The following JPT1 variants were observed in gnomAD, a reference collection of about 807,000 sequenced individuals.
JPT1 encodes the protein Jupiter microtubule associated homolog 1.
JPT1 carries 5 observed loss-of-function variants against 17.0 expected under a neutral mutation model. That is an observed-to-expected ratio of 0.29 (90% CI 0.15 to 0.62). The LOEUF (loss-of-function observed/expected upper bound fraction) is 0.62. Ranked by LOEUF, JPT1 falls within the 20% of genes least tolerant of loss-of-function variation. JPT1 has a pLI of 0.85. For missense variants in JPT1, 158 were observed against 188.1 expected (o/e 0.84, Z 0.94); for synonymous variants, 71 against 73.6 (o/e 0.96, Z 0.18).
chr17:75,147,790 G>A (rs956159599), intron 2 of JPT1, 137 bp from the exon 3 acceptor site: 9 of 642,892 alleles, frequency 1.4e-5, no homozygotes, highest in Non-Finnish European at 2.2e-5. Context: ...CCTGAGGTCA[G>A]GAGTTCAAGA....
chr17:75,151,862 G>A lies in JPT1; in HGVS notation c.56+2480C>T, dbSNP rs936627986. Among the ~76,000 whole-genome samples, 6 of 151,634 alleles carry A rather than the reference G, an allele frequency of 4.0e-5. No homozygotes were observed. The East Asian group carries it at 1.2e-3, about 29-fold the overall frequency. ...CACATGCCTGTAATCTCGGCTAGTC[G>A]GGAGGCTGAGGCAGGAGAATCGCTT... is the stretch of plus-strand genomic sequence containing the variant. On this transcript the variant is annotated intron_variant, in intron 1 of 4. Transcript: ENST00000409753.
intron 4 of JPT1, among the ~76,000 whole-genome samples, chr17:75,137,487 G>A (rs2074222302): frequency 6.6e-6 from 1 of 151,166 alleles, no homozygotes; most frequent in Admixed American, 6.6e-5. Flanking sequence ...CTCCCAAATA[G>A]CTGGGACTAC....
In JPT1 at chr17:75,136,042, T is replaced by A; in HGVS notation, c.*60A>T. The A allele has an allele frequency of 6.2e-7, 1 of 1,613,384 alleles. No individual in the cohort carries two copies. Among genetic ancestry groups the A allele is most frequent in the East Asian group, 2.2e-5 (1 of 44,872 alleles). On this transcript the variant is annotated 3_prime_UTR_variant, in exon 5 of 5. Coordinates refer to ENST00000409753, the MANE Select transcript of JPT1 (RefSeq NM_016185.4). Reference sequence around the variant, plus strand: ...CAAGAGATGTACAGTCAGGCTCAAGTTGTGCAGTTCACAAGCATGGAGGAA... The same window carrying A: ...CAAGAGATGTACAGTCAGGCTCAAGATGTGCAGTTCACAAGCATGGAGGAA...
rs539173066 is a variant in JPT1, at chr17:75,140,484, T to C, written c.317-4234A>G. Among the ~76,000 whole-genome samples, 13 of 152,326 alleles carry C rather than the reference T, an allele frequency of 8.5e-5. No homozygotes were observed. In the South Asian group the frequency reaches 2.7e-3, roughly 32 times the overall value. On this transcript the variant is annotated intron_variant, in intron 4 of 4. Transcript: ENST00000409753. ...ACTTGCCCGCAGTCAGGGAGACTTC[T>C]CTGCCTGAACTTCCTGGACCTTCTC...
At chr17:75,144,445 G>T (rs776191713) in intron 4 of JPT1, among the ~76,000 whole-genome samples, 7 of 152,114 alleles carry the variant, frequency 4.6e-5, no homozygotes, top group Non-Finnish European at 7.4e-5. Context: ...TCAGGAGTTT[G>T]AAGTTGCAGT....
At chr17:75,146,989 CTCCTT>C (rs1030885940) in intron 3 of JPT1, among the ~76,000 whole-genome samples, 8 of 152,206 alleles carry the variant, frequency 5.3e-5, no homozygotes, top group Admixed American at 6.5e-5. Context: ...TGGTAAATCT[CTCCTT>C]TCATTTCTCT....
intron 1 of JPT1, 161 bp downstream of exon 1, chr17:75,154,181 C>T (rs2074598293): frequency 5.6e-6 from 2 of 356,740 alleles, no homozygotes; most frequent in Non-Finnish European, 9.3e-6. Flanking sequence ...GCTCGCCAGG[C>T]GGCACAAAGG....
chr17:75,140,914 A>C (rs1293426243), intron 4 of JPT1: 2 of 152,158 alleles, frequency 1.3e-5, no homozygotes, highest in East Asian at 3.9e-4. Flanking sequence ...AGATGGTGAA[A>C]TCCTGTCTCT....
chr17:75,137,528 G>GT (rs1555650493), intron 4 of JPT1, among the ~76,000 whole-genome samples: 5,013 of 133,144 alleles, frequency 0.038, 112 homozygotes, highest in Admixed American at 0.048. Context: ...GGCTATTTTT[G>GT]TTTTTTTTTT....
At chr17:75,146,734 C>A (rs760548010) in intron 3 of JPT1, 50 bp from the exon 4 acceptor site, 1 of 1,142,590 alleles carries the variant, frequency 8.8e-7, no homozygotes, top group South Asian at 1.3e-5. Flanking sequence ...AATTTTGGAA[C>A]ACGCAAAACA....
chr17:75,137,319 AGTTTTTTT>A (rs2074217056), intron 4 of JPT1, among the ~76,000 whole-genome samples: 1 of 106,292 alleles, frequency 9.4e-6, no homozygotes, highest in African/African-American at 3.1e-5. Context: ...ACATATTTTT[AGTTTTTTT>A]GTTTGTTTGT....
chr17:75,143,910 C>T (rs1412112011), intron 4 of JPT1, among the ~76,000 whole-genome samples: 1 of 152,036 alleles, frequency 6.6e-6, no homozygotes, highest in Non-Finnish European at 1.5e-5. Context: ...CACAGTGGCT[C>T]ACTTTGGGAG....
Position 75,135,904 on chromosome 17 carries a change from C to T in JPT1, c.*198G>A, listed in dbSNP as rs2074183811. The stretch of plus-strand genomic sequence containing the variant: ...CCCTCCAATCTACTACTAGAAAACA[C>T]TCATGCCATGGCCCACAGACCCAAG... On this transcript the variant is annotated 3_prime_UTR_variant, in exon 5 of 5. Coordinates refer to ENST00000409753, the MANE Select transcript of JPT1 (RefSeq NM_016185.4). 8.7e-7 allele frequency: 1 copy of T among 1,149,496 alleles called. No homozygotes were observed. Among genetic ancestry groups the T allele is most frequent in the East Asian group, 2.4e-5 (1 of 41,418 alleles). The allele number at this position is 1,149,496 out of a possible 1,614,324, so 71.2% of individuals were successfully genotyped here.
intron 1 of JPT1, among the ~76,000 whole-genome samples, chr17:75,151,749 C>G (rs1266086095): frequency 6.6e-6 from 1 of 152,146 alleles, no homozygotes; most frequent in Non-Finnish European, 1.5e-5. Flanking sequence ...GCGGGCGGAT[C>G]ACCTGAGGTC....
intron 4 of JPT1, 54 bp from the exon 5 acceptor site, chr17:75,136,304 A>C (rs2074195295): frequency 2.7e-6 from 4 of 1,483,036 alleles, no homozygotes; most frequent in Non-Finnish European, 1.8e-6. Context: ...TTTCCTGTTA[A>C]GATCAAGGAT....
chr17:75,147,401 A>G (rs866565777), intron 3 of JPT1, 155 bp downstream of exon 3: 6 of 586,306 alleles, frequency 1.0e-5, no homozygotes, highest in Non-Finnish European at 1.8e-5. Flanking sequence ...ACACACTTCT[A>G]TGATTTTACT....
At chr17:75,143,578 A>G (rs56221192) in intron 4 of JPT1, among the ~76,000 whole-genome samples, 5,363 of 151,994 alleles carry the variant, frequency 0.035, 139 homozygotes, top group Non-Finnish European at 0.053. Flanking sequence ...GCTTACACCC[A>G]TAATCTTAGC....
At chr17:75,142,728 GAAGC>G in intron 4 of JPT1, 1 of 455,060 alleles carries the variant, frequency 2.2e-6, no homozygotes, top group South Asian at 1.6e-5. Flanking sequence ...AAGAAGGAAG[GAAGC>G]AAGAAGTGGA....
chr17:75,137,178 A>G (rs1173186156), intron 4 of JPT1, among the ~76,000 whole-genome samples: 1 of 152,174 alleles, frequency 6.6e-6, no homozygotes, highest in Non-Finnish European at 1.5e-5. Context: ...GAACCCATCC[A>G]ATTTTCCAAA....
Sources: gnomAD v4.1 joint callset for allele counts (sites outside exome capture counted in the v4.1 genomes callset) on GRCh38, gnomAD v4.1.1 for gene constraint, MANE v1.5 for transcripts, NCBI Gene and HGNC (gene_info 2026-07-23, HGNC 2026-07-21) for gene names.